The following CSF2RA variants were observed in gnomAD, a reference collection of about 807,000 sequenced individuals.
CSF2RA encodes the protein granulocyte-macrophage colony-stimulating factor receptor subunit alpha.
A neutral mutation model predicts 51.6 loss-of-function variants in CSF2RA; 42 were observed. The observed-to-expected ratio is 0.81, with a 90% CI of 0.64 to 1.05. The LOEUF (loss-of-function observed/expected upper bound fraction) is 1.05. Ranked by LOEUF, CSF2RA falls within the 50% of genes least tolerant of loss-of-function variation. The pLI is 0.00. For synonymous variants in CSF2RA, 222 were observed against 193.0 expected (o/e 1.15, Z -1.24); for missense variants, 530 against 501.1 (o/e 1.06, Z -0.55).
intron 6 of CSF2RA, among the ~76,000 whole-genome samples, chrX:1,289,395 C>A (rs1346133373): frequency 2.0e-5 from 3 of 152,176 alleles, no homozygotes; most frequent in Admixed American, 2.0e-4. Context: ...CCCCAAAGTG[C>A]TGGGATTACA....
rs1319018009 is a variant in CSF2RA at position 1,274,833 on chromosome X, C to T, written c.-27+15C>T. 6.6e-6 allele frequency: 3 copies of T among 453,448 alleles called. No individual in the cohort carries two copies. Among genetic ancestry groups the T allele is most frequent in the South Asian group, 4.7e-5 (3 of 64,430 alleles). 28.1% of individuals were successfully genotyped at this position (453,448 alleles called of 1,614,324 possible). On this transcript the variant is annotated intron_variant, in intron 2 of 12. Coordinates refer to ENST00000381529, the MANE Select transcript of CSF2RA (RefSeq NM_172245.4). Reference sequence around the variant, plus strand: ...CGTAGAACCCTGTACGTGCTTCCTTCGGCCTGTCGGTAATGTGGTTGGGGA... The same window carrying T: ...CGTAGAACCCTGTACGTGCTTCCTTTGGCCTGTCGGTAATGTGGTTGGGGA...
intron 2 of CSF2RA, among the ~76,000 whole-genome samples, chrX:1,280,326 C>T (rs1365573244): frequency 6.6e-6 from 1 of 151,896 alleles, no homozygotes; most frequent in Non-Finnish European, 1.5e-5. Flanking sequence ...GCAAAATTAG[C>T]CTGGCATAAT....
downstream of CSF2RA, among the ~76,000 whole-genome samples, chrX:1,314,253 TGCCCAACCCCACTGCGC>T (rs1203543671): frequency 4.8e-3 from 148 of 31,054 alleles, no homozygotes; most frequent in Admixed American, 0.011. Flanking sequence ...CCACTGCACC[TGCCCAACCCCACTGCGC>T]CTGCCCAACC....
chrX:1,315,968 T>C, the CSF2RA span, among the ~76,000 whole-genome samples: 1 of 150,980 alleles, frequency 6.6e-6, no homozygotes, highest in Non-Finnish European at 1.5e-5. Context: ...GATAAATAGA[T>C]GATTGATAGA....
At chrX:1,317,246 C>CA in the CSF2RA span, among the ~76,000 whole-genome samples, 5 of 57,828 alleles carry the variant, frequency 8.6e-5, no homozygotes, top group Admixed American at 3.0e-4. Context: ...CCACGCTCAG[C>CA]TTTTTTTTTT....
At chrX:1,281,920 G>A (rs192932244) in intron 2 of CSF2RA, 1 of 148,654 alleles carries the variant, frequency 6.7e-6, no homozygotes, top group Admixed American at 6.8e-5. Flanking sequence ...GCAGGGCCGG[G>A]CACGGTGGCT....
chrX:1,282,669 C>T lies in CSF2RA; in HGVS notation c.-26-9C>T, dbSNP rs777545687. On this transcript the variant is annotated splice_polypyrimidine_tract_variant and intron_variant, in intron 2 of 12. Transcript: ENST00000381529. ...ACCTTCTCACTGTGTGATATTTTCT[C>T]TCCTGCAGCTCTTCCCTTCTCTCTG... 17 of 1,582,422 alleles carry T rather than the reference C, an allele frequency of 1.1e-5. No homozygotes were observed. The African/African-American group carries it at 1.2e-4, about 11-fold the overall frequency.
rs775200681 is a variant in CSF2RA at position 1,295,283 on chromosome X, G to C, written c.781-144G>C. The C allele has an allele frequency of 3.4e-5, 33 of 980,578 alleles. No individual in the cohort carries two copies. The African/African-American group carries it at 4.6e-4, about 14-fold the overall frequency. The allele number at this position is 980,578 out of a possible 1,614,324, so 60.7% of individuals were successfully genotyped here. On this transcript the variant is annotated intron_variant, in intron 8 of 12. Coordinates refer to ENST00000381529, the MANE Select transcript of CSF2RA (RefSeq NM_172245.4). ...ATCCTACCTGTCTTGTAGATTCGGG[G>C]TTTGTGGAGGGAGACCTGCCTGCCA...
chrX:1,286,617 C>G (rs1157874201), intron 4 of CSF2RA, among the ~76,000 whole-genome samples: 2 of 151,912 alleles, frequency 1.3e-5, no homozygotes, highest in Non-Finnish European at 2.9e-5. Context: ...AGCGAGAGGG[C>G]CACAGACACA....
At chrX:1,318,658 C>T in the CSF2RA span, among the ~76,000 whole-genome samples, 3 of 151,032 alleles carry the variant, frequency 2.0e-5, no homozygotes, top group African/African-American at 7.3e-5. Flanking sequence ...TGGCTCACGC[C>T]TGTAATCCCA....
chrX:1,288,475 G>C, intron 4 of CSF2RA, 44 bp from the exon 5 acceptor site: 1 of 1,613,610 alleles, frequency 6.2e-7, no homozygotes, highest in African/African-American at 1.3e-5. Context: ...GTAGGAGACA[G>C]AAGGTTGTTT....
rs76312561 is a variant in CSF2RA at position 1,288,590 on chromosome X, C to T, written c.291C>T (p.His97=). The change falls in exon 5 of 13, where the codon CAC becomes CAT. Residue 97 remains histidine (H), a synonymous_variant. Coordinates refer to ENST00000381529, the MANE Select transcript of CSF2RA (RefSeq NM_172245.4). The part of the protein sequence containing the change: ...CLHEGVTFEV[H]VNTSQRGFQQ... The stretch of plus-strand genomic sequence containing the variant: ...ATGAAGGAGTCACATTTGAGGTTCA[C>T]GTGAATACTAGTCAAAGAGGATTTC... 4.5e-5 allele frequency: 72 copies of T among 1,613,884 alleles called. No homozygotes were observed. In the South Asian group the frequency reaches 6.6e-4, roughly 15 times the overall value.
At position 1,294,396 on chromosome X, in the gene CSF2RA, C is replaced by A; in HGVS notation, c.715C>A (p.Gln239Lys). 1.2e-6 allele frequency: 2 copies of A among 1,613,978 alleles called. No homozygotes were observed. Among genetic ancestry groups the A allele is most frequent in the East Asian group, 2.2e-5 (1 of 44,886 alleles). ...GACGCACTGCCTCGTACGGTGGAAA[C>A]AGCCCAGGACCTATCAGAAGCTGTC... ...NTTHCLVRWK[Q>K]PRTYQKLSYL... Residue 239 changes from glutamine (Q) to lysine (K), a missense_variant, in exon 8 of 13, where the codon CAG becomes AAG. Gln to Lys is a moderately conservative substitution (Grantham distance 53, BLOSUM62 1). Transcript: ENST00000381529.
downstream of CSF2RA, among the ~76,000 whole-genome samples, chrX:1,314,982 T>C (rs375298152): frequency 0.048 from 1,763 of 36,694 alleles, 182 homozygotes; most frequent in East Asian, 0.22. Context: ...GCCTGCCCAA[T>C]CGCACTGCAC....
Position 1,295,354 on chromosome X carries a change from A to G in CSF2RA, c.781-73A>G, listed in dbSNP as rs1446437293. 2.5e-6 allele frequency: 4 copies of G among 1,593,434 alleles called. No individual in the cohort carries two copies. The African/African-American group carries it at 5.4e-5, about 21-fold the overall frequency. ...ATTCGGTGCCCACACCAGGGGAGAC[A>G]CTGTGTGAACCATCTACAGTGTTTT... On this transcript the variant is annotated intron_variant, in intron 8 of 12. Coordinates refer to ENST00000381529, the MANE Select transcript of CSF2RA (RefSeq NM_172245.4).
intron 9 of CSF2RA, among the ~76,000 whole-genome samples, chrX:1,299,683 T>C (rs2148581802): frequency 6.6e-6 from 1 of 152,122 alleles, no homozygotes; most frequent in South Asian, 2.1e-4. Context: ...CTTGGGAGGC[T>C]GAGGTGGGCG....
chrX:1,318,292 T>C, the CSF2RA span, among the ~76,000 whole-genome samples: 1 of 152,062 alleles, frequency 6.6e-6, no homozygotes, highest in South Asian at 2.1e-4. Context: ...GCCTCCCAAG[T>C]AGCTGGGATT....
chrX:1,314,560 C>T (rs1309281902), downstream of CSF2RA, among the ~76,000 whole-genome samples: 19 of 89,996 alleles, frequency 2.1e-4, no homozygotes, highest in African/African-American at 7.6e-4. Flanking sequence ...CTGCACCTGC[C>T]CAATCCCACT....
intron 10 of CSF2RA, among the ~76,000 whole-genome samples, chrX:1,301,331 C>CAAAAAAAAA (rs1156943650): frequency 2.2e-4 from 14 of 62,664 alleles, no homozygotes; most frequent in Non-Finnish European, 3.4e-4. Context: ...GACTCTGTCT[C>CAAAAAAAAA]AAAAAAAAAA....
Sources: allele counts gnomAD v4.1 joint callset (sites outside exome capture counted in the v4.1 genomes callset), GRCh38; gene constraint gnomAD v4.1.1; transcripts MANE v1.5; gene names NCBI Gene and HGNC (gene_info 2026-07-23, HGNC 2026-07-21).